DOK5: variants seen among roughly 807,000 people sequenced by gnomAD.
DOK5 encodes the protein downstream of tyrosine kinase 5.
In DOK5, 27 loss-of-function variants were observed where a neutral mutation model predicts 43.3. That is an observed-to-expected ratio of 0.62 (90% CI 0.46 to 0.86). The LOEUF (loss-of-function observed/expected upper bound fraction) is 0.86. DOK5 is among the 40% of genes least tolerant of loss of function. The pLI, the probability that DOK5 is intolerant of heterozygous loss-of-function variation, is 0.00. For synonymous variants in DOK5, 146 were observed against 140.1 expected, an observed-to-expected ratio of 1.04 and a Z score of -0.30; for missense variants, 373 against 392.9, an observed-to-expected ratio of 0.95 and a Z score of 0.43.
chr20:54,581,069 G>T (rs1985624478), intron 2 of DOK5, among the ~76,000 whole-genome samples: 1 of 151,840 alleles, frequency 6.6e-6, no homozygotes. Context: ...GTGAAGTAAG[G>T]GTACAATTTC....
chr20:54,509,443 C>A (rs373572512), intron 1 of DOK5, among the ~76,000 whole-genome samples: 133 of 152,294 alleles, frequency 8.7e-4, no homozygotes, highest in African/African-American at 2.8e-3. Flanking sequence ...ATCCTCTCAC[C>A]TCCGCCTCCC....
chr20:54,486,908 A>G (rs889343314), intron 1 of DOK5, among the ~76,000 whole-genome samples: 4 of 152,176 alleles, frequency 2.6e-5, no homozygotes, highest in African/African-American at 9.6e-5. Flanking sequence ...CTTGGTGGAA[A>G]TTAATTCACT....
chr20:54,568,664 C>T (rs1985173160), intron 2 of DOK5, among the ~76,000 whole-genome samples: 2 of 152,224 alleles, frequency 1.3e-5, no homozygotes, highest in Admixed American at 6.5e-5. Flanking sequence ...GGCGCAGTGG[C>T]TCACGCCTGT....
intron 1 of DOK5, among the ~76,000 whole-genome samples, chr20:54,524,960 G>A (rs575457097): frequency 6.6e-6 from 1 of 152,332 alleles, no homozygotes; most frequent in Admixed American, 6.5e-5. Context: ...CCAGAGGACA[G>A]CCCTTTGGAG....
chr20:54,583,334 A>G (rs1426088154), intron 2 of DOK5, among the ~76,000 whole-genome samples: 3 of 152,124 alleles, frequency 2.0e-5, no homozygotes, highest in Non-Finnish European at 4.4e-5. Flanking sequence ...GATCTATCCT[A>G]TGTGCACTTA....
At chr20:54,542,139 C>CACACACAT (rs1555828960) in intron 1 of DOK5, among the ~76,000 whole-genome samples, 3 of 150,938 alleles carry the variant, frequency 2.0e-5, no homozygotes, top group African/African-American at 7.3e-5. Flanking sequence ...CACACACACA[C>CACACACAT]GCATGTAAGC....
intron 1 of DOK5, among the ~76,000 whole-genome samples, chr20:54,547,100 T>G (rs964966528): frequency 1.3e-5 from 2 of 152,226 alleles, no homozygotes; most frequent in African/African-American, 2.4e-5. Flanking sequence ...TGGCAAACTA[T>G]GGTCCACAGG....
chr20:54,501,949 T>C (rs1982625554), intron 1 of DOK5, among the ~76,000 whole-genome samples: 1 of 152,388 alleles, frequency 6.6e-6, no homozygotes, highest in Non-Finnish European at 1.5e-5. Flanking sequence ...CTTGCTATGC[T>C]TGCTAACAAT....
At chr20:54,613,827 C>T (rs1048391726) in intron 6 of DOK5, among the ~76,000 whole-genome samples, 1 of 151,912 alleles carries the variant, frequency 6.6e-6, no homozygotes. Context: ...GATCTGGTCT[C>T]TACAAAAAAT....
chr20:54,548,239 T>A (rs1249411121), intron 1 of DOK5, among the ~76,000 whole-genome samples: 3 of 151,744 alleles, frequency 2.0e-5, no homozygotes, highest in Non-Finnish European at 4.4e-5. Context: ...TTTTATTTAT[T>A]TATTTATTTA....
At chr20:54,599,477 G>C (rs369072547) in intron 5 of DOK5, among the ~76,000 whole-genome samples, 4 of 152,266 alleles carry the variant, frequency 2.6e-5, no homozygotes, top group African/African-American at 9.6e-5. Context: ...CTTAATAGAT[G>C]TTTCATTATT....
intron 1 of DOK5, among the ~76,000 whole-genome samples, chr20:54,522,676 G>A (rs78081034): frequency 3.3e-5 from 5 of 151,304 alleles, no homozygotes; most frequent in Non-Finnish European, 1.5e-5. Flanking sequence ...TCCACTACCT[G>A]GCTTATTTTT....
chr20:54,531,703 A>G (rs1187138117), intron 1 of DOK5, among the ~76,000 whole-genome samples: 2 of 152,196 alleles, frequency 1.3e-5, no homozygotes, highest in African/African-American at 4.8e-5. Context: ...AGTTTCCAAG[A>G]AAGCGCAAAG....
At chr20:54,583,046 C>T (rs753244591) in intron 2 of DOK5, among the ~76,000 whole-genome samples, 28 of 152,020 alleles carry the variant, frequency 1.8e-4, no homozygotes, top group Non-Finnish European at 7.4e-5. Flanking sequence ...CTACCTCACA[C>T]AAATTTCGGT....
intron 1 of DOK5, among the ~76,000 whole-genome samples, chr20:54,517,381 A>G (rs1178869898): frequency 6.6e-6 from 1 of 152,180 alleles, no homozygotes; most frequent in Non-Finnish European, 1.5e-5. Flanking sequence ...GCAACATGGG[A>G]TAAAATTGTA....
chr20:54,555,129 C>T, intron 2 of DOK5, 89 bp downstream of exon 2: 1 of 836,944 alleles, frequency 1.2e-6, no homozygotes, highest in South Asian at 1.5e-5. Flanking sequence ...AATTATTTAA[C>T]AAAGGTACAA....
chr20:54,618,697 A>G (rs1386842144), intron 6 of DOK5, among the ~76,000 whole-genome samples: 2 of 152,042 alleles, frequency 1.3e-5, no homozygotes, highest in African/African-American at 2.4e-5. Flanking sequence ...AGAAGCATCT[A>G]TCAATGTATA....
At chr20:54,618,161 G>C (rs1167951200) in intron 6 of DOK5, among the ~76,000 whole-genome samples, 1 of 152,114 alleles carries the variant, frequency 6.6e-6, no homozygotes, top group South Asian at 2.1e-4. Context: ...ATGAGAAAAG[G>C]GATGTTCAGC....
intron 1 of DOK5, among the ~76,000 whole-genome samples, chr20:54,478,910 G>T (rs1408457120): frequency 6.6e-6 from 1 of 152,152 alleles, no homozygotes; most frequent in Non-Finnish European, 1.5e-5. Flanking sequence ...CTATGTAGAA[G>T]TGTACAAAGG....
Sources: allele counts gnomAD v4.1 joint callset (sites outside exome capture counted in the v4.1 genomes callset), GRCh38; gene constraint gnomAD v4.1.1; transcripts MANE v1.5; gene names NCBI Gene and HGNC (gene_info 2026-07-23, HGNC 2026-07-21).